Variants in CLNK observed in about 807,000 individuals in gnomAD.
The protein encoded by CLNK is cytokine dependent hematopoietic cell linker.
Under a neutral mutation model 68.6 loss-of-function variants are expected in CLNK, and 74 were observed. That is an observed-to-expected ratio of 1.08 (90% CI 0.89 to 1.31). CLNK has a LOEUF of 1.31. Among genes scored for constraint, CLNK ranks in the 50% most tolerant of loss-of-function variants. CLNK has a pLI of 0.00. For missense variants in CLNK, 553 were observed against 515.3 expected (o/e 1.07, Z -0.71); for synonymous variants, 198 against 172.2 (o/e 1.15, Z -1.17).
chr4:10,644,705 T>A (rs1016795088), intron 2 of CLNK, among the ~76,000 whole-genome samples: 1 of 152,324 alleles, frequency 6.6e-6, no homozygotes, highest in Non-Finnish European at 1.5e-5. Context: ...CAATTCATAA[T>A]AAAAATCAAA....
rs1163399499 is a variant in CLNK, at chr4:10,489,735, C to T, written c.*732G>A. On this transcript the variant is annotated 3_prime_UTR_variant, in exon 19 of 19. Transcript: ENST00000226951. ...GGATTGGAGTGCAGTGGCGCGATTT[C>T]GGCTCACTGCAAGCTCCGCCTCCCG... The T allele has an allele frequency of 2.0e-4, 10 of 50,754 alleles. 4 individuals are homozygous for T. Among genetic ancestry groups the T allele is most frequent in the African/African-American group, 5.4e-4 (10 of 18,360 alleles). 3.1% of individuals were successfully genotyped at this position (50,754 alleles called of 1,614,324 possible). A position where few individuals can be genotyped will look rare whatever the true frequency, so the allele number is the denominator to read the frequency against.
chr4:10,605,289 G>A (rs563161148), intron 2 of CLNK, among the ~76,000 whole-genome samples: 10 of 152,166 alleles, frequency 6.6e-5, no homozygotes, highest in African/African-American at 1.9e-4. Context: ...GCTTAATGAC[G>A]GGAATGTGTT....
At chr4:10,704,629 C>A in the CLNK span, among the ~76,000 whole-genome samples, 2 of 152,038 alleles carry the variant, frequency 1.3e-5, no homozygotes, top group Admixed American at 6.6e-5. Context: ...AACACACAGC[C>A]TCTAGGCCCA....
intron 8 of CLNK, among the ~76,000 whole-genome samples, chr4:10,548,538 C>T (rs1372135068): frequency 1.3e-5 from 2 of 152,124 alleles, no homozygotes; most frequent in Non-Finnish European, 2.9e-5. Context: ...TGTGCTTTTG[C>T]TGCCTGTCCT....
At chr4:10,558,473 C>T in intron 7 of CLNK, 21 bp from the exon 8 acceptor site, 1 of 1,609,960 alleles carries the variant, frequency 6.2e-7, no homozygotes, top group Non-Finnish European at 8.5e-7. Context: ...CAATGAGGCA[C>T]CATTATCTCT....
chr4:10,677,885 G>A (rs939807004), intron 1 of CLNK, among the ~76,000 whole-genome samples: 6 of 140,708 alleles, frequency 4.3e-5, no homozygotes, highest in South Asian at 2.3e-4. Context: ...TACCAGAACC[G>A]TATGTAGGGC....
chr4:10,525,836 C>T lies in CLNK; in HGVS notation c.731+5G>A. ...AGACCTGAGAAAGGATTCCTGGCTC[C>T]TTACCTGCTAATGGCAAGTGGAATC... On this transcript the variant is annotated splice_donor_5th_base_variant and intron_variant, in intron 14 of 18. Coordinates refer to ENST00000226951, the MANE Select transcript of CLNK (RefSeq NM_052964.4). 2 of 1,562,280 alleles carry T rather than the reference C, an allele frequency of 1.3e-6. No homozygotes were observed. Among genetic ancestry groups the T allele is most frequent in the Non-Finnish European group, 1.7e-6 (2 of 1,146,310 alleles).
chr4:10,587,226 A>G (rs1264534224), intron 3 of CLNK, among the ~76,000 whole-genome samples: 1 of 152,198 alleles, frequency 6.6e-6, no homozygotes, highest in East Asian at 1.9e-4. Context: ...TCAGCCTCCC[A>G]AAGTGCTGGG....
intron 15 of CLNK, among the ~76,000 whole-genome samples, chr4:10,517,675 A>G (rs1717889475): frequency 6.6e-6 from 1 of 152,244 alleles, no homozygotes; most frequent in African/African-American, 2.4e-5. Context: ...GGTGTTGCAT[A>G]CATAATAATG....
intron 7 of CLNK, among the ~76,000 whole-genome samples, chr4:10,562,203 T>G (rs901360226): frequency 2.0e-5 from 3 of 146,586 alleles, no homozygotes; most frequent in African/African-American, 7.5e-5. Flanking sequence ...CAGGCTCAAA[T>G]AATCCTCCCA....
the CLNK span, among the ~76,000 whole-genome samples, chr4:10,730,686 C>T: frequency 6.6e-6 from 1 of 152,142 alleles, no homozygotes; most frequent in Admixed American, 6.5e-5. Context: ...ATCGTACATG[C>T]CTCATGTACT....
At chr4:10,723,672 C>A in the CLNK span, among the ~76,000 whole-genome samples, 1 of 152,206 alleles carries the variant, frequency 6.6e-6, no homozygotes, top group South Asian at 2.1e-4. Context: ...GACCCTTGTG[C>A]GGTAATAACA....
At position 10,514,070 on chromosome 4, in the gene CLNK, T is replaced by C. The variant is rs1455685911; in HGVS notation, c.773-473A>G. Among the ~76,000 whole-genome samples, 224 of 133,838 alleles carry C rather than the reference T, an allele frequency of 1.7e-3. 2 individuals are homozygous for C. Among genetic ancestry groups the C allele is most frequent in the African/African-American group, 5.9e-3 (211 of 35,626 alleles). The allele number at this position is 133,838 out of a possible 152,430, so 87.8% of individuals were successfully genotyped here. A position where few individuals can be genotyped will look rare whatever the true frequency, so the allele number is the denominator to read the frequency against. On this transcript the variant is annotated intron_variant, in intron 15 of 18. Coordinates refer to ENST00000226951, the MANE Select transcript of CLNK (RefSeq NM_052964.4). ...TCCCCTTCCTGTGTCCATGTGATCT[T>C]ATTGTTCAATTCCCACCTATGAGTG...
chr4:10,532,032 C>T (rs921133415), intron 12 of CLNK, among the ~76,000 whole-genome samples: 3 of 152,192 alleles, frequency 2.0e-5, no homozygotes, highest in Non-Finnish European at 4.4e-5. Context: ...CAAATGAACC[C>T]TGAATGACCA....
intron 7 of CLNK, among the ~76,000 whole-genome samples, chr4:10,560,859 A>G (rs1040602973): frequency 2.6e-5 from 4 of 152,012 alleles, no homozygotes; most frequent in Non-Finnish European, 5.9e-5. Context: ...TAAATACTTG[A>G]TTTTTACAAC....
At chr4:10,640,575 G>A (rs142161985) in intron 2 of CLNK, among the ~76,000 whole-genome samples, 169 of 152,314 alleles carry the variant, frequency 1.1e-3, no homozygotes, top group Non-Finnish European at 2.0e-3. Context: ...GCTAACTGCT[G>A]TGCAACATTA....
chr4:10,507,892 A>C, intron 17 of CLNK, 67 bp downstream of exon 17: 1 of 1,158,022 alleles, frequency 8.6e-7, no homozygotes, highest in Non-Finnish European at 1.3e-6. Context: ...ACGTCTTGTG[A>C]CACATAAGCA....
intron 1 of CLNK, among the ~76,000 whole-genome samples, chr4:10,679,556 A>G (rs572351303): frequency 2.0e-5 from 3 of 152,364 alleles, no homozygotes; most frequent in East Asian, 3.9e-4. Flanking sequence ...TGCAAAAGAA[A>G]CTACCATCAG....
Position 10,677,957 on chromosome 4 carries a change from T to C in CLNK, c.-43+6711A>G, listed in dbSNP as rs564850850. On this transcript the variant is annotated intron_variant, in intron 1 of 18. Coordinates refer to ENST00000226951, the MANE Select transcript of CLNK (RefSeq NM_052964.4). ...TCCAAATGACCTAGATTTTTCAGCA[T>C]TGAACAATCCTGTCATTCTGTGCAA... 5.9e-5 allele frequency among the ~76,000 whole-genome samples: 9 copies of C among 152,280 alleles called. No individual in the cohort carries two copies. In the South Asian group the frequency reaches 1.9e-3, roughly 32 times the overall value.
Sources: allele counts gnomAD v4.1 joint callset (sites outside exome capture counted in the v4.1 genomes callset), GRCh38; gene constraint gnomAD v4.1.1; transcripts MANE v1.5; gene names NCBI Gene and HGNC (gene_info 2026-07-23, HGNC 2026-07-21).